SNX30: variants seen among roughly 807,000 people sequenced by gnomAD.
SNX30 encodes sorting nexin-30.
Under a neutral mutation model 46.4 loss-of-function variants are expected in SNX30, and 24 were observed. The observed-to-expected ratio is 0.52, with a 90% CI of 0.37 to 0.73. The LOEUF is 0.73. SNX30 is among the 30% of genes least tolerant of loss of function. The probability of loss-of-function intolerance (pLI) is 0.00; values close to 1 mark genes in which losing one functional copy is unlikely to be tolerated. For missense variants in SNX30, 533 were observed against 555.7 expected (o/e 0.96, Z 0.41); for synonymous variants, 189 against 211.5 (o/e 0.89, Z 0.92).
chr9:112,869,945 C>CGTTA lies in SNX30; in HGVS notation c.*1102_*1103insGTTA, dbSNP rs1205505556. On this transcript the variant is annotated 3_prime_UTR_variant, in exon 9 of 9. Transcript: ENST00000374232. ...GAATGTTCTACATAAAGTGCTTTAA[C>CGTTA]CCTTAACATTTCCTGGTCAGGAAGG... The CGTTA allele has an allele frequency of 6.6e-6, 1 of 152,272 alleles. No individual in the cohort carries two copies. Among genetic ancestry groups the CGTTA allele is most frequent in the Non-Finnish European group, 1.5e-5 (1 of 68,012 alleles). The allele number at this position is 152,272 out of a possible 1,614,324, so 9.4% of individuals were successfully genotyped here.
At chr9:112,820,212 T>C (rs1840470521) in intron 3 of SNX30, among the ~76,000 whole-genome samples, 1 of 152,068 alleles carries the variant, frequency 6.6e-6, no homozygotes, top group African/African-American at 2.4e-5. Flanking sequence ...GAAGCTACTT[T>C]AGAAACAAGC....
chr9:112,808,436 G>C (rs1227826636), intron 2 of SNX30, among the ~76,000 whole-genome samples: 1 of 152,202 alleles, frequency 6.6e-6, no homozygotes, highest in East Asian at 1.9e-4. Flanking sequence ...TCTCCCCAGT[G>C]GTGGAGAGCC....
chr9:112,750,793 C>T lies in SNX30; in HGVS notation c.-209C>T. 1 of 196,152 alleles carries T rather than the reference C, an allele frequency of 5.1e-6. No individual in the cohort carries two copies. Among genetic ancestry groups the T allele is most frequent in the African/African-American group, 2.4e-5 (1 of 41,762 alleles). The allele number at this position is 196,152 out of a possible 1,614,324, so 12.2% of individuals were successfully genotyped here. Reference sequence around the variant, plus strand: ...GCTGCCAGCGGACCCGCGGCGGGCTCGGGCGCGGAGCGGGGGCGCGCGGCG... The same window carrying T: ...GCTGCCAGCGGACCCGCGGCGGGCTTGGGCGCGGAGCGGGGGCGCGCGGCG... On this transcript the variant is annotated 5_prime_UTR_variant, in exon 1 of 9. Transcript: ENST00000374232.
At chr9:112,834,841 CAA>C (rs1302679594) in intron 4 of SNX30, among the ~76,000 whole-genome samples, 49 of 104,852 alleles carry the variant, frequency 4.7e-4, no homozygotes, top group Middle Eastern at 4.2e-3. Flanking sequence ...CACACACACA[CAA>C]ACACACACAC....
chr9:112,881,062 G>A (rs563069879), intron 5 of SNX30, among the ~76,000 whole-genome samples: 7 of 152,270 alleles, frequency 4.6e-5, no homozygotes, highest in South Asian at 2.1e-4. Context: ...CTGCCTCATC[G>A]TCTGCCTTTC....
rs557755565 is a variant in SNX30, at chr9:112,855,899, C to T, written c.1101+4954C>T. On this transcript the variant is annotated intron_variant, in intron 7 of 8. Transcript: ENST00000374232. Reference sequence around the variant, plus strand: ...CTGGTGTACACCTTAGAATCTAACCCGCCATGGAAGGTGGGGGGCATCAGA... The same window carrying T: ...CTGGTGTACACCTTAGAATCTAACCTGCCATGGAAGGTGGGGGGCATCAGA... Among the ~76,000 whole-genome samples the T allele has an allele frequency of 1.4e-4, 22 of 152,192 alleles. No individual in the cohort carries two copies. In the South Asian group the frequency reaches 1.9e-3, roughly 13 times the overall value.
At chr9:112,770,462 C>T (rs796272119) in intron 1 of SNX30, among the ~76,000 whole-genome samples, 14 of 152,058 alleles carry the variant, frequency 9.2e-5, no homozygotes, top group African/African-American at 2.9e-4. Flanking sequence ...TGAGCCACCG[C>T]GCCTGGCCTC....
rs192315441 is a variant in SNX30, at chr9:112,827,843, C to T, written c.460-2882C>T. On this transcript the variant is annotated intron_variant, in intron 3 of 8. Coordinates refer to ENST00000374232, the MANE Select transcript of SNX30 (RefSeq NM_001012994.2). The stretch of plus-strand genomic sequence containing the variant: ...GAAAATATATTAATTTACCACTTAC[C>T]GTATTAAAGGAAAAAGCATGTGATT... Among the ~76,000 whole-genome samples, 425 of 152,224 alleles carry T rather than the reference C, an allele frequency of 2.8e-3. 9 individuals carry two copies. The highest frequency in any genetic ancestry group is 0.024 in the Admixed American group (361 of 15,280).
intron 7 of SNX30, among the ~76,000 whole-genome samples, chr9:112,854,248 C>T (rs903184878): frequency 8.5e-5 from 13 of 152,232 alleles, no homozygotes; most frequent in African/African-American, 2.4e-5. Context: ...CAGAGGGAGA[C>T]GCTGGTTTTG....
chr9:112,825,931 A>T (rs1262334017), intron 3 of SNX30, among the ~76,000 whole-genome samples: 1 of 152,216 alleles, frequency 6.6e-6, no homozygotes, highest in African/African-American at 2.4e-5. Context: ...TTTGGAAATG[A>T]TAACGCTTAT....
At chr9:112,854,211 A>G (rs1841082272) in intron 7 of SNX30, among the ~76,000 whole-genome samples, 1 of 152,228 alleles carries the variant, frequency 6.6e-6, no homozygotes. Flanking sequence ...TGCTGGAAGC[A>G]CACACCAGGC....
At chr9:112,824,530 G>T (rs1564281868) in intron 3 of SNX30, among the ~76,000 whole-genome samples, 1 of 143,524 alleles carries the variant, frequency 7.0e-6, no homozygotes, top group Admixed American at 6.9e-5. Context: ...ACACCCAGGT[G>T]TTTTTTTTTT....
chr9:112,756,268 T>G (rs1169288015), intron 1 of SNX30, among the ~76,000 whole-genome samples: 1 of 152,072 alleles, frequency 6.6e-6, no homozygotes, highest in Non-Finnish European at 1.5e-5. Context: ...GTTTTCTTTG[T>G]CATTTTCCAA....
intron 1 of SNX30, among the ~76,000 whole-genome samples, chr9:112,761,238 C>T (rs1454654544): frequency 1.3e-5 from 2 of 152,218 alleles, no homozygotes; most frequent in Non-Finnish European, 2.9e-5. Context: ...CCTTGACTCA[C>T]TGCAACCTCC....
chr9:112,829,706 C>T (rs1446938067), intron 3 of SNX30, among the ~76,000 whole-genome samples: 2 of 152,200 alleles, frequency 1.3e-5, no homozygotes, highest in Non-Finnish European at 2.9e-5. Context: ...TTTACATTCC[C>T]ACCAGCAATG....
chr9:112,831,025 C>G, intron 4 of SNX30, 142 bp downstream of exon 4: 4 of 823,970 alleles, frequency 4.9e-6, no homozygotes, highest in South Asian at 2.1e-5. Flanking sequence ...GTAGTCCCAG[C>G]TACCTGGGAG....
intron 6 of SNX30, among the ~76,000 whole-genome samples, chr9:112,848,059 G>C (rs750129167): frequency 2.0e-5 from 3 of 152,164 alleles, no homozygotes; most frequent in Non-Finnish European, 2.9e-5. Flanking sequence ...GGTGGGGAAT[G>C]GGTGTGTAGA....
intron 1 of SNX30, among the ~76,000 whole-genome samples, chr9:112,756,366 C>T (rs1349176254): frequency 6.7e-6 from 1 of 149,936 alleles, no homozygotes; most frequent in African/African-American, 2.5e-5. Flanking sequence ...GGGCTTTAAT[C>T]ATTCACATGG....
chr9:112,879,807 A>G (rs1283729367), downstream of SNX30: 2 of 1,613,030 alleles, frequency 1.2e-6, no homozygotes, highest in South Asian at 1.1e-5. Flanking sequence ...GGACTTGTTT[A>G]TAGGCCACGA....
Sources: gnomAD v4.1 joint callset for allele counts (sites outside exome capture counted in the v4.1 genomes callset) on GRCh38, gnomAD v4.1.1 for gene constraint, MANE v1.5 for transcripts, NCBI Gene and HGNC (gene_info 2026-07-23, HGNC 2026-07-21) for gene names.